DLGAP1: variants seen among roughly 807,000 people sequenced by gnomAD.
DLGAP1 encodes DLG associated protein 1.
A neutral mutation model predicts 90.8 loss-of-function variants in DLGAP1; 11 were observed. The ratio of observed to expected loss-of-function variants is 0.12; its 90% CI spans 0.08 to 0.20. The LOEUF (loss-of-function observed/expected upper bound fraction) is 0.20. Ranked by LOEUF, DLGAP1 falls within the 10% of genes least tolerant of loss-of-function variation. The probability of loss-of-function intolerance (pLI) is 1.00; values close to 1 mark genes in which losing one functional copy is unlikely to be tolerated. For missense variants in DLGAP1, 1,050 were observed against 1,333.8 expected (o/e 0.79, Z 3.31); for synonymous variants, 558 against 540.7 (o/e 1.03, Z -0.44).
chr18:4,263,096 G>A (rs567335924), intron 1 of DLGAP1, among the ~76,000 whole-genome samples: 66 of 152,208 alleles, frequency 4.3e-4, no homozygotes, highest in African/African-American at 1.6e-3. Flanking sequence ...ACCACGTCCA[G>A]CTAATTTTTG....
chr18:3,646,133 T>A (rs1356164087), intron 7 of DLGAP1, among the ~76,000 whole-genome samples: 1 of 152,178 alleles, frequency 6.6e-6, no homozygotes, highest in Non-Finnish European at 1.5e-5. Context: ...TGGTGGCTCA[T>A]GCCTGTAATC....
Position 3,550,982 on chromosome 18 carries a change from T to C in DLGAP1, c.2058-16367A>G, listed in dbSNP as rs186538616. ...GTCTCAAACTCCTGACCTCAGGTGA[T>C]CCACCACCTAGGCCTCCCAAAGTGC... On this transcript the variant is annotated intron_variant, in intron 9 of 12. Transcript: ENST00000315677. 2.7e-3 allele frequency among the ~76,000 whole-genome samples: 410 copies of C among 151,826 alleles called. 2 individuals carry two copies. Among genetic ancestry groups the C allele is most frequent in the African/African-American group, 9.3e-3 (385 of 41,346 alleles).
chr18:4,055,342 G>A (rs976872641), intron 2 of DLGAP1, among the ~76,000 whole-genome samples: 1 of 152,156 alleles, frequency 6.6e-6, no homozygotes, highest in Non-Finnish European at 1.5e-5. Flanking sequence ...TAGGTAAATT[G>A]CACACCGTGA....
At chr18:4,231,486 T>C (rs1405148285) in intron 1 of DLGAP1, among the ~76,000 whole-genome samples, 1 of 152,168 alleles carries the variant, frequency 6.6e-6, no homozygotes, top group African/African-American at 2.4e-5. Context: ...ATTTCCTCCC[T>C]GCACCTTCAC....
chr18:3,579,325 C>G (rs927977174), intron 8 of DLGAP1, among the ~76,000 whole-genome samples: 3 of 152,236 alleles, frequency 2.0e-5, no homozygotes, highest in Non-Finnish European at 4.4e-5. Flanking sequence ...ATTCTCCTGC[C>G]TCAGTCTCCC....
At chr18:4,208,239 T>C (rs1451368776) in intron 1 of DLGAP1, among the ~76,000 whole-genome samples, 1 of 152,222 alleles carries the variant, frequency 6.6e-6, no homozygotes, top group African/African-American at 2.4e-5. Context: ...ACTTGTAAAT[T>C]TTGTGTTTGG....
intron 7 of DLGAP1, among the ~76,000 whole-genome samples, chr18:3,695,860 G>A (rs2061073410): frequency 6.7e-6 from 1 of 149,878 alleles, no homozygotes; most frequent in South Asian, 2.1e-4. Context: ...CTATTTGTTT[G>A]TGTCCTCTCT....
intron 5 of DLGAP1, among the ~76,000 whole-genome samples, chr18:3,781,593 T>C (rs1291560259): frequency 6.6e-6 from 1 of 152,112 alleles, no homozygotes; most frequent in African/African-American, 2.4e-5. Flanking sequence ...GACTTTGTGA[T>C]CTGCCCGTCT....
At chr18:3,580,872 ACC>A in intron 8 of DLGAP1, 3 of 1,052,718 alleles carry the variant, frequency 2.8e-6, no homozygotes, top group Non-Finnish European at 4.3e-6. Context: ...GGCCGGTTGT[ACC>A]CTGCAGTAGC....
intron 4 of DLGAP1, among the ~76,000 whole-genome samples, chr18:3,863,766 C>G (rs1490813344): frequency 6.6e-6 from 1 of 152,206 alleles, no homozygotes; most frequent in African/African-American, 2.4e-5. Flanking sequence ...AGCCAGCTGC[C>G]TGGTGGCTGG....
intron 1 of DLGAP1, among the ~76,000 whole-genome samples, chr18:4,157,010 A>G (rs567982691): frequency 1.3e-5 from 2 of 152,328 alleles, no homozygotes; most frequent in African/African-American, 4.8e-5. Context: ...TGATTTATAA[A>G]TGCCTCTTTC....
intron 2 of DLGAP1, among the ~76,000 whole-genome samples, chr18:4,117,588 C>T (rs1310733988): frequency 2.0e-5 from 3 of 152,182 alleles, no homozygotes; most frequent in Admixed American, 6.5e-5. Flanking sequence ...TGCTTAAGAC[C>T]GCTTAGCCAG....
chr18:4,307,818 C>T (rs2080300001), intron 1 of DLGAP1, among the ~76,000 whole-genome samples: 2 of 149,272 alleles, frequency 1.3e-5, no homozygotes, highest in African/African-American at 5.0e-5. Context: ...TGGGTTCAAG[C>T]TATTTTCCTG....
In DLGAP1 at chr18:3,600,881, G is replaced by GATATATATAGATATAT. The variant is rs2056931862; in HGVS notation, c.1592-18634_1592-18633insATATATCTATATATAT. On this transcript the variant is annotated intron_variant, in intron 7 of 12. Transcript: ENST00000315677. ...ATATATATAGATATATAGATATATA[G>GATATATATAGATATAT]ATAGATATATAGATATATATAGATA... is the stretch of plus-strand genomic sequence containing the variant. Among the ~76,000 whole-genome samples, 19 of 9,912 alleles carry GATATATATAGATATAT rather than the reference G, an allele frequency of 1.9e-3. 2 individuals are homozygous for GATATATATAGATATAT. The highest frequency in any genetic ancestry group is 4.1e-3 in the African/African-American group (14 of 3,388). 6.5% of individuals were successfully genotyped at this position (9,912 alleles called of 152,430 possible).
intron 3 of DLGAP1, among the ~76,000 whole-genome samples, chr18:3,886,732 T>C (rs2071325582): frequency 6.6e-6 from 1 of 152,232 alleles, no homozygotes; most frequent in Non-Finnish European, 1.5e-5. Context: ...GATTTTCTTG[T>C]TGAAAAGTAC....
At chr18:3,702,501 G>C (rs1035395638) in intron 7 of DLGAP1, among the ~76,000 whole-genome samples, 5 of 152,206 alleles carry the variant, frequency 3.3e-5, no homozygotes, top group African/African-American at 9.6e-5. Context: ...CCCTAGGGGA[G>C]AGCCTGGCAG....
At chr18:3,776,032 T>C (rs975044422) in intron 5 of DLGAP1, among the ~76,000 whole-genome samples, 7 of 152,290 alleles carry the variant, frequency 4.6e-5, no homozygotes, top group African/African-American at 1.7e-4. Flanking sequence ...TCAAGAGCTG[T>C]CAGCTTCTGT....
intron 5 of DLGAP1, among the ~76,000 whole-genome samples, chr18:3,798,157 C>A (rs1158660638): frequency 6.6e-6 from 1 of 152,228 alleles, no homozygotes; most frequent in African/African-American, 2.4e-5. Flanking sequence ...CCTGTAAACA[C>A]AGGCAAACAC....
chr18:4,328,627 T>C (rs1289082529), intron 1 of DLGAP1, among the ~76,000 whole-genome samples: 2 of 152,144 alleles, frequency 1.3e-5, no homozygotes, highest in East Asian at 3.9e-4. Flanking sequence ...GTAAAACTAT[T>C]TTCCAGTAAG....
Sources: gnomAD v4.1 joint callset for allele counts (sites outside exome capture counted in the v4.1 genomes callset) on GRCh38, gnomAD v4.1.1 for gene constraint, MANE v1.5 for transcripts, NCBI Gene and HGNC (gene_info 2026-07-23, HGNC 2026-07-21) for gene names.